Variants in C9orf152 observed in about 807,000 individuals in gnomAD.
C9orf152 encodes the protein uncharacterized protein C9orf152.
In C9orf152, 8 loss-of-function variants were observed where a neutral mutation model predicts 8.5. The observed-to-expected ratio is 0.94, with a 90% CI of 0.55 to 1.70. The LOEUF is 1.70. Among genes scored for constraint, C9orf152 ranks in the 40% most tolerant of loss-of-function variants. The probability of loss-of-function intolerance (pLI) is 0.00; values close to 1 mark genes in which losing one functional copy is unlikely to be tolerated. For synonymous variants in C9orf152, 109 were observed against 113.0 expected, an observed-to-expected ratio of 0.96 and a Z score of 0.22; for missense variants, 293 against 286.2, an observed-to-expected ratio of 1.02 and a Z score of -0.17.
chr9:110,204,165 G>A lies in C9orf152; in HGVS notation c.194-2691C>T, dbSNP rs552659347. Among the ~76,000 whole-genome samples the A allele has an allele frequency of 1.8e-4, 27 of 152,242 alleles. No individual in the cohort carries two copies. In the South Asian group the frequency reaches 2.5e-3, roughly 14 times the overall value. On this transcript the variant is annotated intron_variant, in intron 1 of 1. Transcript: ENST00000400613. ...CCTAATCCCTTTTTCTACATGAGGC[G>A]AGTCACACAGTGTCTGACTGTGACA...
Position 110,207,516 on chromosome 9 carries a change from TTAAG to T in C9orf152, c.60_63del (p.His20GlnfsTer29). On this transcript the variant is annotated frameshift_variant, in exon 1 of 2. Transcript: ENST00000400613. LOFTEE classifies it high-confidence loss of function. ...GCCTGAGTCCTGGAGCCCTCAGCCATTAAGTGAGACCTAAGCTGCCAGAAGTGGG... is the reference window on the plus strand; with the variant it reads ...GCCTGAGTCCTGGAGCCCTCAGCCATTGAGACCTAAGCTGCCAGAAGTGGG... 1 of 1,611,760 alleles carries T rather than the reference TTAAG, an allele frequency of 6.2e-7. No individual in the cohort carries two copies. The highest frequency in any genetic ancestry group is 8.5e-7 in the Non-Finnish European group (1 of 1,179,072).
At position 110,207,863 on chromosome 9, in the gene C9orf152, A is replaced by T; in HGVS notation, c.-284T>A. 2.6e-6 allele frequency: 1 copy of T among 385,112 alleles called. No homozygotes were observed. The highest frequency in any genetic ancestry group is 4.6e-6 in the Non-Finnish European group (1 of 216,430). 23.9% of individuals were successfully genotyped at this position (385,112 alleles called of 1,614,324 possible). A position where few individuals can be genotyped will look rare whatever the true frequency, so the allele number is the denominator to read the frequency against. ...AAGAAGGGGCAGCGAAGGGGGAAAGACTGGAGGAAGGAGGTGATAGTGACA... is the reference window on the plus strand; with the variant it reads ...AAGAAGGGGCAGCGAAGGGGGAAAGTCTGGAGGAAGGAGGTGATAGTGACA... On this transcript the variant is annotated 5_prime_UTR_variant, in exon 1 of 2. Transcript: ENST00000400613.
In C9orf152 at chr9:110,201,254, T is replaced by C; in HGVS notation, c.414A>G (p.Val138=). The part of the protein sequence containing the change: ...QTSPQDTSHQ[V]HHRGKLVGSD... ...ATCCCACAAGCTTGCCCCTATGATGTACTTGATGACTGGTGTCCTGGGGGG... is the reference window on the plus strand; with the variant it reads ...ATCCCACAAGCTTGCCCCTATGATGCACTTGATGACTGGTGTCCTGGGGGG... The change falls in exon 2 of 2, where the codon GTA becomes GTG. Residue 138 remains valine (V), a synonymous_variant. Coordinates refer to ENST00000400613, the MANE Select transcript of C9orf152 (RefSeq NM_001012993.3). 11 of 1,614,108 alleles carry C rather than the reference T, an allele frequency of 6.8e-6. No individual in the cohort carries two copies. The highest frequency in any genetic ancestry group is 1.7e-4 in the Middle Eastern group (1 of 6,060).
Position 110,201,580 on chromosome 9 carries a change from G to T in C9orf152, c.194-106C>A, listed in dbSNP as rs959112540. The T allele has an allele frequency of 2.6e-5, 22 of 846,860 alleles. No individual in the cohort carries two copies. The East Asian group carries it at 4.0e-4, about 15-fold the overall frequency. The allele number at this position is 846,860 out of a possible 1,614,324, so 52.5% of individuals were successfully genotyped here. A position where few individuals can be genotyped will look rare whatever the true frequency, so the allele number is the denominator to read the frequency against. ...GCTGAAGGAAGGCCATCCCCAGAAG[G>T]TTCCTGGTACATTTCATGTGTGTAC... On this transcript the variant is annotated intron_variant, in intron 1 of 1. Transcript: ENST00000400613.
chr9:110,203,947 C>A (rs984416980), intron 1 of C9orf152, among the ~76,000 whole-genome samples: 1 of 152,038 alleles, frequency 6.6e-6, no homozygotes, highest in Non-Finnish European at 1.5e-5. Flanking sequence ...TTTGGTGGAA[C>A]CTCTCTCATC....
intron 1 of C9orf152, among the ~76,000 whole-genome samples, chr9:110,204,962 C>T (rs541662889): frequency 5.3e-5 from 8 of 152,312 alleles, no homozygotes; most frequent in Admixed American, 6.5e-5. Flanking sequence ...CTTTTTATGG[C>T]TGAATGATAT....
At position 110,200,662 on chromosome 9, in the gene C9orf152, C is replaced by T. The variant is rs17806752; in HGVS notation, c.*286G>A. 0.11 allele frequency: 35,235 copies of T among 307,178 alleles called. 2,518 individuals are homozygous for T. The highest frequency in any genetic ancestry group is 0.15 in the Non-Finnish European group (25,178 of 169,228). The allele number at this position is 307,178 out of a possible 1,614,324, so 19.0% of individuals were successfully genotyped here. On this transcript the variant is annotated 3_prime_UTR_variant, in exon 2 of 2. Coordinates refer to ENST00000400613, the MANE Select transcript of C9orf152 (RefSeq NM_001012993.3). ...TGGAGCAGATGTCTTACTGGTCCTCCCCAAGGAATGGATATCCAGGACCTC... is the reference window on the plus strand; with the variant it reads ...TGGAGCAGATGTCTTACTGGTCCTCTCCAAGGAATGGATATCCAGGACCTC...
rs1233780601 is a variant in C9orf152 at position 110,200,427 on chromosome 9, G to C, written c.*521C>G. ...GAAATGATGTGATCACTGCCAATGA[G>C]TGTTGTGACTTCTAAGTGAGATGGC... is the stretch of plus-strand genomic sequence containing the variant. On this transcript the variant is annotated 3_prime_UTR_variant, in exon 2 of 2. Coordinates refer to ENST00000400613, the MANE Select transcript of C9orf152 (RefSeq NM_001012993.3). 2 of 153,308 alleles carry C rather than the reference G, an allele frequency of 1.3e-5. No homozygotes were observed. Among genetic ancestry groups the C allele is most frequent in the East Asian group, 3.8e-4 (2 of 5,202 alleles). 9.5% of individuals were successfully genotyped at this position (153,308 alleles called of 1,614,324 possible).
In C9orf152 at chr9:110,207,472, T is replaced by TGGGG; in HGVS notation, c.104_107dup (p.Leu37ProfsTer12). On this transcript the variant is annotated frameshift_variant, in exon 1 of 2. Coordinates refer to ENST00000400613, the MANE Select transcript of C9orf152 (RefSeq NM_001012993.3). LOFTEE classifies it high-confidence loss of function. ...GGGCTCGCAGGAACTGGATGCTGAG[T>TGGGG]GGGGGCCCTTTCCCAGGGGCCTGAG... The TGGGG allele has an allele frequency of 6.2e-7, 1 of 1,613,044 alleles. No individual in the cohort carries two copies. Among genetic ancestry groups the TGGGG allele is most frequent in the Non-Finnish European group, 8.5e-7 (1 of 1,179,574 alleles).
Position 110,201,331 on chromosome 9 carries a change from G to C in C9orf152, c.337C>G (p.Pro113Ala). ...AGGTGCGTGTGCCATGGAGACTTGG[G>C]GGCCTGAAGGCAGCCCTGGGCAGCC... ...EEAAQGCLQA[P>A]KSPWHTHLEM... is the part of the protein sequence containing the mutation. The change falls in exon 2 of 2, where the codon CCC becomes GCC. Residue 113 changes from proline to alanine, a missense_variant. Transcript: ENST00000400613. The C allele has an allele frequency of 6.2e-7, 1 of 1,612,480 alleles. No individual in the cohort carries two copies. The highest frequency in any genetic ancestry group is 8.5e-7 in the Non-Finnish European group (1 of 1,179,198).
Position 110,203,071 on chromosome 9 carries a change from A to G in C9orf152, c.194-1597T>C, listed in dbSNP as rs1027060624. Among the ~76,000 whole-genome samples the G allele has an allele frequency of 3.5e-5, 5 of 142,496 alleles. No homozygotes were observed. The East Asian group carries it at 8.3e-4, about 24-fold the overall frequency. 93.5% of individuals were successfully genotyped at this position (142,496 alleles called of 152,430 possible). On this transcript the variant is annotated intron_variant, in intron 1 of 1. Coordinates refer to ENST00000400613, the MANE Select transcript of C9orf152 (RefSeq NM_001012993.3). The stretch of plus-strand genomic sequence containing the variant: ...GCTCTGTCACCCAGGCTGGAGTGCA[A>G]TGGCGCGATCTTGGCTCACTGCAAC...
intron 1 of C9orf152, among the ~76,000 whole-genome samples, 168 bp downstream of exon 1, chr9:110,207,219 C>T (rs999713284): frequency 2.0e-5 from 3 of 152,170 alleles, no homozygotes; most frequent in Admixed American, 1.3e-4. Context: ...AGGCCCCTGG[C>T]TCCCTTAGCA....
chr9:110,201,659 C>T (rs1837223521), intron 1 of C9orf152, among the ~76,000 whole-genome samples, 185 bp from the exon 2 acceptor site: 2 of 152,042 alleles, frequency 1.3e-5, no homozygotes, highest in Admixed American at 1.3e-4. Flanking sequence ...CCCTTTTACA[C>T]CTCACCCATA....
intron 1 of C9orf152, among the ~76,000 whole-genome samples, chr9:110,201,910 T>C (rs1351941585): frequency 6.6e-6 from 1 of 151,970 alleles, no homozygotes; most frequent in Non-Finnish European, 1.5e-5. Context: ...AACACTGAAG[T>C]GGAGGAGTAA....
Position 110,207,656 on chromosome 9 carries a change from GGGAGAA to G in C9orf152, c.-83_-78del. On this transcript the variant is annotated 5_prime_UTR_variant, in exon 1 of 2. Coordinates refer to ENST00000400613, the MANE Select transcript of C9orf152 (RefSeq NM_001012993.3). ...GGGAGAGAGAGGGAGGGGGCAGTGA[GGGAGAA>G]GGAGAAGTGACGGGCAAAAGGAGGG... 8.6e-7 allele frequency: 1 copy of G among 1,156,546 alleles called. No homozygotes were observed. The highest frequency in any genetic ancestry group is 1.2e-6 in the Non-Finnish European group (1 of 847,994). 71.6% of individuals were successfully genotyped at this position (1,156,546 alleles called of 1,614,324 possible).
intron 1 of C9orf152, 43 bp from the exon 2 acceptor site, chr9:110,201,517 A>G (rs1837221678): frequency 1.3e-6 from 2 of 1,485,172 alleles, no homozygotes; most frequent in Admixed American, 2.4e-5. Flanking sequence ...TGGAAGGGAC[A>G]GGGGCGGCTC....
Position 110,203,274 on chromosome 9 carries a change from C to T in C9orf152, c.194-1800G>A, listed in dbSNP as rs566128226. On this transcript the variant is annotated intron_variant, in intron 1 of 1. Transcript: ENST00000400613. ...TCCTGACCTTGTGATCCGCCCGCCT[C>T]GGCCTCCCAAAGTGCTTGGATTACA... is the stretch of plus-strand genomic sequence containing the variant. Among the ~76,000 whole-genome samples, 14 of 152,218 alleles carry T rather than the reference C, an allele frequency of 9.2e-5. No individual in the cohort carries two copies. The East Asian group carries it at 2.3e-3, about 25-fold the overall frequency.
Position 110,207,845 on chromosome 9 carries a change from G to A in C9orf152, c.-266C>T, listed in dbSNP as rs1418949446. 4.7e-6 allele frequency: 2 copies of A among 424,814 alleles called. No individual in the cohort carries two copies. The highest frequency in any genetic ancestry group is 4.2e-5 in the African/African-American group (2 of 47,828). The allele number at this position is 424,814 out of a possible 1,614,324, so 26.3% of individuals were successfully genotyped here. On this transcript the variant is annotated 5_prime_UTR_variant, in exon 1 of 2. Coordinates refer to ENST00000400613, the MANE Select transcript of C9orf152 (RefSeq NM_001012993.3). ...GAAGGAAATGTCAGAGGAAAGAAGG[G>A]GCAGCGAAGGGGGAAAGACTGGAGG...
chr9:110,201,762 A>G (rs1469807300), intron 1 of C9orf152, among the ~76,000 whole-genome samples: 2 of 152,228 alleles, frequency 1.3e-5, no homozygotes, highest in Non-Finnish European at 2.9e-5. Context: ...GGTCCTGGGA[A>G]TACAGCAATG....
Sources: allele counts gnomAD v4.1 joint callset (sites outside exome capture counted in the v4.1 genomes callset), GRCh38; gene constraint gnomAD v4.1.1; transcripts MANE v1.5; gene names NCBI Gene and HGNC (gene_info 2026-07-23, HGNC 2026-07-21).